Variants in SVEP1 observed in about 807,000 individuals in gnomAD.
The protein encoded by SVEP1 is sushi, von Willebrand factor type A, EGF and pentraxin domain containing 1, also known as sushi, von Willebrand factor type A, EGF and pentraxin domain-containing protein 1.
In SVEP1, 164 loss-of-function variants were observed where a neutral mutation model predicts 367.3. The observed-to-expected ratio is 0.45, with a 90% CI of 0.39 to 0.51. The LOEUF (loss-of-function observed/expected upper bound fraction) is 0.51. Ranked by LOEUF, SVEP1 falls within the 20% of genes least tolerant of loss-of-function variation. The pLI, the probability that SVEP1 is intolerant of heterozygous loss-of-function variation, is 0.00. For missense variants in SVEP1, 4,117 were observed against 4,425.3 expected, an observed-to-expected ratio of 0.93 and a Z score of 1.98; for synonymous variants, 1,666 against 1,611.6, an observed-to-expected ratio of 1.03 and a Z score of -0.81.
intron 6 of SVEP1, among the ~76,000 whole-genome samples, chr9:110,499,719 C>T (rs958007940): frequency 6.6e-6 from 1 of 152,086 alleles, no homozygotes; most frequent in Non-Finnish European, 1.5e-5. Flanking sequence ...AGGGCCTTGA[C>T]CTTGAATGCT....
At chr9:110,390,158 C>T (rs1588027192) in intron 40 of SVEP1, among the ~76,000 whole-genome samples, 2 of 102,464 alleles carry the variant, frequency 2.0e-5, no homozygotes, top group Non-Finnish European at 3.9e-5. Flanking sequence ...TATATACATA[C>T]ATACTTATAT....
At chr9:110,403,148 T>G (rs1018135368) in intron 39 of SVEP1, among the ~76,000 whole-genome samples, 5 of 151,996 alleles carry the variant, frequency 3.3e-5, no homozygotes, top group Non-Finnish European at 7.4e-5. Context: ...TCCTCTGCTT[T>G]TAATCCCCTG....
chr9:110,506,101 G>C (rs1266267331), intron 5 of SVEP1, among the ~76,000 whole-genome samples: 1 of 152,132 alleles, frequency 6.6e-6, no homozygotes, highest in Non-Finnish European at 1.5e-5. Flanking sequence ...AGTTTGCTGA[G>C]AATGATGGTT....
rs184162461 is a variant in SVEP1 at position 110,434,543 on chromosome 9, G to A, written c.4889-37C>T. ...GAACACAGGTGCAGAGCTTGTCAGC[G>A]GCATAGTGGTAGCATCACCAAGTCA... On this transcript the variant is annotated intron_variant, in intron 29 of 47. Coordinates refer to ENST00000374469, the MANE Select transcript of SVEP1 (RefSeq NM_153366.4). 7.6e-4 allele frequency: 1,208 copies of A among 1,594,466 alleles called. 7 individuals carry two copies. In the Middle Eastern group the frequency reaches 0.013, roughly 18 times the overall value.
chr9:110,490,838 TTCTC>T (rs1162783356), intron 8 of SVEP1, among the ~76,000 whole-genome samples: 7 of 152,034 alleles, frequency 4.6e-5, no homozygotes, highest in Admixed American at 3.9e-4. Flanking sequence ...TAAGATTAAA[TTCTC>T]AAGTTTGCAT....
At chr9:110,456,414 T>A (rs1292076173) in intron 21 of SVEP1, among the ~76,000 whole-genome samples, 1 of 152,188 alleles carries the variant, frequency 6.6e-6, no homozygotes, top group East Asian at 1.9e-4. Context: ...ACAAGATCCT[T>A]TATTTCTTAT....
chr9:110,436,594 T>C (rs1028038604), intron 27 of SVEP1, 90 bp from the exon 28 acceptor site: 145 of 1,446,970 alleles, frequency 1.0e-4, no homozygotes, highest in Non-Finnish European at 1.3e-4. Context: ...GCACGACTGA[T>C]ACAAATAAAT....
intron 1 of SVEP1, among the ~76,000 whole-genome samples, chr9:110,550,483 T>C (rs915191393): frequency 2.5e-5 from 2 of 81,302 alleles, no homozygotes; most frequent in African/African-American, 9.3e-5. Context: ...ACAAATTATC[T>C]ATCTATCTAT....
At chr9:110,428,945 C>T (rs190648507) in intron 35 of SVEP1, among the ~76,000 whole-genome samples, 198 bp downstream of exon 35, 55 of 152,258 alleles carry the variant, frequency 3.6e-4, no homozygotes, top group Admixed American at 5.9e-4. Flanking sequence ...TGACGCACAC[C>T]TGTAGTCCCT....
chr9:110,396,427 C>T (rs1456978909), intron 40 of SVEP1, among the ~76,000 whole-genome samples: 1 of 152,114 alleles, frequency 6.6e-6, no homozygotes, highest in African/African-American at 2.4e-5. Context: ...CCTAACATCA[C>T]AACTAAAAGA....
At chr9:110,397,731 T>A (rs1156567939) in intron 40 of SVEP1, among the ~76,000 whole-genome samples, 1 of 151,968 alleles carries the variant, frequency 6.6e-6, no homozygotes, top group Non-Finnish European at 1.5e-5. Flanking sequence ...ATGAGTGAAC[T>A]CCCATTCACA....
intron 37 of SVEP1, among the ~76,000 whole-genome samples, chr9:110,410,821 A>G (rs1828033220): frequency 6.6e-6 from 1 of 152,198 alleles, no homozygotes; most frequent in Non-Finnish European, 1.5e-5. Context: ...TTTGCTAATT[A>G]GTCTCTTACC....
rs1410073862 is a variant in SVEP1, at chr9:110,555,101, G to A, written c.532-4997C>T. On this transcript the variant is annotated intron_variant, in intron 1 of 47. Coordinates refer to ENST00000374469, the MANE Select transcript of SVEP1 (RefSeq NM_153366.4). ...TCTGAAGTCACAGTCTCACCTCCAC[G>A]GACACCCACCCTAAGCTTGTGCTCA... is the stretch of plus-strand genomic sequence containing the variant. Among the ~76,000 whole-genome samples, 4 of 151,884 alleles carry A rather than the reference G, an allele frequency of 2.6e-5. No homozygotes were observed. The South Asian group carries it at 6.2e-4, about 24-fold the overall frequency.
chr9:110,430,098 GTTTGT>G (rs1318069510), intron 33 of SVEP1, 94 bp from the exon 34 acceptor site: 4 of 1,251,524 alleles, frequency 3.2e-6, no homozygotes, highest in African/African-American at 1.8e-5. Context: ...TTTTTTGTTT[GTTTGT>G]TTTCTTTTTT....
chr9:110,479,583 G>A, intron 13 of SVEP1, 52 bp downstream of exon 13: 1 of 1,546,476 alleles, frequency 6.5e-7, no homozygotes, highest in Non-Finnish European at 8.7e-7. Context: ...ACTCAGAAAG[G>A]TTATGAAAGC....
rs1053914420 is a variant in SVEP1 at position 110,435,274 on chromosome 9, C to A, written c.4855G>T (p.Val1619Leu). The change falls in exon 29 of 48, where the codon GTG becomes TTG. Residue 1619 changes from valine (V) to leucine (L), a missense_variant. Physicochemically the swap from Val to Leu is conservative, Grantham distance 32. Transcript: ENST00000374469. ...AATATGCTCTTAGAATCGATCTTCA[C>A]TTTCCCCACAATTCCTGACAAGAAA... ...PDFLSGIVGK[V>L]KIDSKSIFCS... The A allele has an allele frequency of 5.6e-6, 9 of 1,613,400 alleles. No homozygotes were observed. The highest frequency in any genetic ancestry group is 1.1e-5 in the South Asian group (1 of 91,084).
intron 3 of SVEP1, among the ~76,000 whole-genome samples, chr9:110,520,821 T>A (rs534239334): frequency 6.6e-6 from 1 of 152,330 alleles, no homozygotes; most frequent in African/African-American, 2.4e-5. Context: ...CAATTCATCT[T>A]TAAAAGTTAA....
intron 25 of SVEP1, among the ~76,000 whole-genome samples, chr9:110,446,277 A>G (rs1828597099): frequency 6.6e-6 from 1 of 152,248 alleles, no homozygotes; most frequent in Non-Finnish European, 1.5e-5. Flanking sequence ...GAGAAACAGG[A>G]AGTAGTTGGA....
intron 43 of SVEP1, among the ~76,000 whole-genome samples, chr9:110,385,342 A>G (rs1827504067): frequency 6.6e-6 from 1 of 152,220 alleles, no homozygotes; most frequent in Non-Finnish European, 1.5e-5. Context: ...CGTTATCACA[A>G]GGCTGAAAAA....
Sources: allele counts gnomAD v4.1 joint callset (sites outside exome capture counted in the v4.1 genomes callset), GRCh38; gene constraint gnomAD v4.1.1; transcripts MANE v1.5; gene names NCBI Gene and HGNC (gene_info 2026-07-23, HGNC 2026-07-21).